GRP: variants seen among roughly 807,000 people sequenced by gnomAD.
GRP encodes the protein gastrin-releasing peptide.
GRP carries 11 observed loss-of-function variants against 12.7 expected under a neutral mutation model. That is an observed-to-expected ratio of 0.87 (90% CI 0.55 to 1.44). The LOEUF (loss-of-function observed/expected upper bound fraction) is 1.44, where lower values mean the gene tolerates loss of function less well. GRP is among the 40% of genes most tolerant of loss of function. The pLI, the probability that GRP is intolerant of heterozygous loss-of-function variation, is 0.00. For missense variants in GRP, 212 were observed against 185.4 expected, an observed-to-expected ratio of 1.14 and a Z score of -0.83; for synonymous variants, 84 against 77.7, an observed-to-expected ratio of 1.08 and a Z score of -0.43.
intron 1 of GRP, among the ~76,000 whole-genome samples, chr18:59,221,527 G>A (rs2069834257): frequency 6.6e-6 from 1 of 152,024 alleles, no homozygotes; most frequent in Admixed American, 6.5e-5. Context: ...CAGCTTCTTG[G>A]GAAGCTGGTT....
In GRP at chr18:59,220,319, GC is replaced by G; in HGVS notation, c.58del (p.Arg20GlyfsTer15). 1 of 1,498,796 alleles carries G rather than the reference GC, an allele frequency of 6.7e-7. No homozygotes were observed. 92.8% of individuals were successfully genotyped at this position (1,498,796 alleles called of 1,614,324 possible). A position where few individuals can be genotyped will look rare whatever the true frequency, so the allele number is the denominator to read the frequency against. On this transcript the variant is annotated frameshift_variant, in exon 1 of 3. Coordinates refer to ENST00000256857, the MANE Select transcript of GRP (RefSeq NM_002091.5). LOFTEE classifies it high-confidence loss of function. The stretch of plus-strand genomic sequence containing the variant: ...TGCTGGCGCTGGTCCTCTGCCTGGC[GC>G]CCCGGGGGCGAGCGGTCCCGCTGCC... Reference protein sequence around the residue: ...VLLALVLCLAPRGRAVPLPAG... With the variant: ...VLLALVLCLAXRGRAVPLPAG...
Position 59,230,624 on chromosome 18 carries a change from C to A in GRP, c.*156C>A, listed in dbSNP as rs1156986266. The A allele has an allele frequency of 1.7e-6, 1 of 602,120 alleles. No homozygotes were observed. The highest frequency in any genetic ancestry group is 2.1e-5 in the South Asian group (1 of 48,138). 37.3% of individuals were successfully genotyped at this position (602,120 alleles called of 1,614,324 possible). A position where few individuals can be genotyped will look rare whatever the true frequency, so the allele number is the denominator to read the frequency against. ...GACTAAATTCGTGATTTTCAAGCAG[C>A]ATCTTCTGGTTTAAACTTGTTTGCT... On this transcript the variant is annotated 3_prime_UTR_variant, in exon 3 of 3. Transcript: ENST00000256857.
chr18:59,225,643 G>A lies in GRP; in HGVS notation c.291G>A (p.Gln97=), dbSNP rs1274938235. 1.2e-6 allele frequency: 2 copies of A among 1,614,132 alleles called. No homozygotes were observed. The highest frequency in any genetic ancestry group is 2.2e-5 in the South Asian group (2 of 91,078). ...LIEAKENRNH[Q]PPQPKALGNQ... is the part of the protein sequence containing the mutation. ...AAGCAAAGGAGAACAGAAACCACCA[G>A]CCACCTCAACCCAAGGCCCTGGGCA... is the stretch of plus-strand genomic sequence containing the variant. The change falls in exon 2 of 3, where the codon CAG becomes CAA. Residue 97 remains glutamine, a synonymous_variant. Transcript: ENST00000256857.
At chr18:59,219,618 G>A (rs910600854), upstream of GRP, among the ~76,000 whole-genome samples, 32 of 151,720 alleles carry the variant, frequency 2.1e-4, no homozygotes, top group Middle Eastern at 3.4e-3. Flanking sequence ...CAGAAAAAGA[G>A]AGAGAGATCT....
chr18:59,225,016 C>T (rs1231215236), intron 1 of GRP, among the ~76,000 whole-genome samples: 8 of 152,082 alleles, frequency 5.3e-5, no homozygotes, highest in Non-Finnish European at 1.2e-4. Flanking sequence ...CAAAGAAAAG[C>T]ATGGAGACTT....
chr18:59,222,909 T>A (rs1289152576), intron 1 of GRP, among the ~76,000 whole-genome samples: 1 of 152,222 alleles, frequency 6.6e-6, no homozygotes, highest in East Asian at 1.9e-4. Flanking sequence ...TGTGCACCCA[T>A]GAAATGCTCC....
intron 1 of GRP, among the ~76,000 whole-genome samples, chr18:59,224,880 A>G (rs922398079): frequency 6.6e-6 from 1 of 152,204 alleles, no homozygotes; most frequent in African/African-American, 2.4e-5. Context: ...ACTCTTAACA[A>G]ACAGTAAATC....
chr18:59,225,195 G>GA (rs2069897096), intron 1 of GRP, among the ~76,000 whole-genome samples: 2 of 152,136 alleles, frequency 1.3e-5, no homozygotes, highest in Admixed American at 6.5e-5. Flanking sequence ...GAAAATTGAA[G>GA]ACTAGGGGTG....
chr18:59,222,740 G>C (rs1159361151), intron 1 of GRP, among the ~76,000 whole-genome samples: 1 of 152,226 alleles, frequency 6.6e-6, no homozygotes. Flanking sequence ...GGCTTGGTAA[G>C]TAAATTGCTT....
chr18:59,225,011 A>G (rs1311508688), intron 1 of GRP, among the ~76,000 whole-genome samples: 1 of 152,148 alleles, frequency 6.6e-6, no homozygotes. Context: ...CCACACAAAG[A>G]AAAGCATGGA....
At chr18:59,228,863 A>G (rs2069985248) in intron 2 of GRP, among the ~76,000 whole-genome samples, 1 of 152,152 alleles carries the variant, frequency 6.6e-6, no homozygotes, top group African/African-American at 2.4e-5. Flanking sequence ...TGGAGGTTTT[A>G]GTTGGCCTTT....
intron 2 of GRP, among the ~76,000 whole-genome samples, chr18:59,227,537 C>T (rs960012516): frequency 6.6e-6 from 1 of 152,140 alleles, no homozygotes; most frequent in African/African-American, 2.4e-5. Flanking sequence ...AACAGCAGTA[C>T]CCTTCTCATT....
chr18:59,230,660 G>A lies in GRP; in HGVS notation c.*192G>A, dbSNP rs989270477. On this transcript the variant is annotated 3_prime_UTR_variant, in exon 3 of 3. Transcript: ENST00000256857. ...TTAAACTTGTTTGCTGTGAACAATT[G>A]TCGAAAAGAGTCTTCCAATTAATGC... The A allele has an allele frequency of 5.3e-6, 3 of 560,784 alleles. No individual in the cohort carries two copies. In the African/African-American group the frequency reaches 5.6e-5, roughly 11 times the overall value. The allele number at this position is 560,784 out of a possible 1,614,324, so 34.7% of individuals were successfully genotyped here.
chr18:59,223,289 A>T (rs1341820117), intron 1 of GRP, among the ~76,000 whole-genome samples: 1 of 152,200 alleles, frequency 6.6e-6, no homozygotes, highest in African/African-American at 2.4e-5. Context: ...CGTATCATCC[A>T]TGTTGCCATG....
intron 2 of GRP, 62 bp downstream of exon 2, chr18:59,225,796 A>T: frequency 6.7e-7 from 1 of 1,496,026 alleles, no homozygotes; most frequent in Non-Finnish European, 9.2e-7. Context: ...GAAAGAGGGC[A>T]AGTTCAAAGG....
At chr18:59,226,533 C>T (rs1328006195) in intron 2 of GRP, among the ~76,000 whole-genome samples, 3 of 152,186 alleles carry the variant, frequency 2.0e-5, no homozygotes, top group Non-Finnish European at 4.4e-5. Flanking sequence ...TCGGCTTATG[C>T]TCACAGAAGT....
chr18:59,230,559 C>G lies in GRP; in HGVS notation c.*91C>G. ...TTCTACGGATCATCAACAAGATTTCCTTGTGCAAAATATTTGACTATTCTG... is the reference window on the plus strand; with the variant it reads ...TTCTACGGATCATCAACAAGATTTCGTTGTGCAAAATATTTGACTATTCTG... On this transcript the variant is annotated 3_prime_UTR_variant, in exon 3 of 3. Coordinates refer to ENST00000256857, the MANE Select transcript of GRP (RefSeq NM_002091.5). 1 of 780,730 alleles carries G rather than the reference C, an allele frequency of 1.3e-6. No individual in the cohort carries two copies. The highest frequency in any genetic ancestry group is 2.3e-6 in the Non-Finnish European group (1 of 434,130). The allele number at this position is 780,730 out of a possible 1,614,324, so 48.4% of individuals were successfully genotyped here. A position where few individuals can be genotyped will look rare whatever the true frequency, so the allele number is the denominator to read the frequency against.
intron 1 of GRP, among the ~76,000 whole-genome samples, chr18:59,220,861 G>A (rs1450361885): frequency 1.3e-5 from 2 of 152,174 alleles, no homozygotes; most frequent in African/African-American, 2.4e-5. Context: ...CGACTGGCAT[G>A]GGCTGAAATC....
Position 59,230,693 on chromosome 18 carries a change from T to A in GRP, c.*225T>A. On this transcript the variant is annotated 3_prime_UTR_variant, in exon 3 of 3. Coordinates refer to ENST00000256857, the MANE Select transcript of GRP (RefSeq NM_002091.5). ...GAGTCTTCCAATTAATGCTTTTTTA[T>A]ATCTAGGCTACCTGTTGGTTAGATT... 1 of 527,246 alleles carries A rather than the reference T, an allele frequency of 1.9e-6. No individual in the cohort carries two copies. The highest frequency in any genetic ancestry group is 3.4e-6 in the Non-Finnish European group (1 of 293,836). 32.7% of individuals were successfully genotyped at this position (527,246 alleles called of 1,614,324 possible).
Sources: allele counts gnomAD v4.1 joint callset (sites outside exome capture counted in the v4.1 genomes callset), GRCh38; gene constraint gnomAD v4.1.1; transcripts MANE v1.5; gene names NCBI Gene and HGNC (gene_info 2026-07-23, HGNC 2026-07-21).